MTHFD2L: variants seen among roughly 807,000 people sequenced by gnomAD.
The protein encoded by MTHFD2L is methylenetetrahydrofolate dehydrogenase (NADP+ dependent) 2 like.
In MTHFD2L, 29 loss-of-function variants were observed where a neutral mutation model predicts 34.9. The observed-to-expected ratio is 0.83, with a 90% CI of 0.62 to 1.13. MTHFD2L has a LOEUF of 1.13. Among genes scored for constraint, MTHFD2L ranks in the 50% most tolerant of loss-of-function variants. The probability of loss-of-function intolerance (pLI) is 0.00; values close to 1 mark genes in which losing one functional copy is unlikely to be tolerated. For missense variants in MTHFD2L, 481 were observed against 446.5 expected (o/e 1.08, Z -0.70); for synonymous variants, 167 against 155.7 (o/e 1.07, Z -0.54).
At chr4:74,297,965 T>A (rs1414438467) in intron 7 of MTHFD2L, among the ~76,000 whole-genome samples, 1 of 152,070 alleles carries the variant, frequency 6.6e-6, no homozygotes, top group Admixed American at 6.6e-5. Flanking sequence ...TGTATCCTGA[T>A]CCTTACGTAA....
At chr4:74,174,951 A>G (rs1230316185) in intron 2 of MTHFD2L, among the ~76,000 whole-genome samples, 1 of 152,158 alleles carries the variant, frequency 6.6e-6, no homozygotes, top group Non-Finnish European at 1.5e-5. Context: ...TGCTTTCATT[A>G]TATTTGCTTT....
intron 6 of MTHFD2L, among the ~76,000 whole-genome samples, chr4:74,264,390 T>C (rs1003221807): frequency 6.6e-6 from 1 of 152,012 alleles, no homozygotes; most frequent in Non-Finnish European, 1.5e-5. Flanking sequence ...TATGAATACC[T>C]ATGTACTCAA....
chr4:74,271,860 T>G (rs369566658), intron 6 of MTHFD2L, among the ~76,000 whole-genome samples: 54 of 151,782 alleles, frequency 3.6e-4, no homozygotes, highest in African/African-American at 1.3e-3. Context: ...CAGTGGTTTG[T>G]AGTTGTCCTT....
chr4:74,215,076 C>T (rs536541), intron 5 of MTHFD2L, among the ~76,000 whole-genome samples: 51,298 of 151,304 alleles, frequency 0.34, 10,702 homozygotes, highest in African/African-American at 0.57. Flanking sequence ...GCATCCCAGG[C>T]CGACTTCAGA....
chr4:74,262,079 AAC>A (rs1363436955), intron 6 of MTHFD2L, among the ~76,000 whole-genome samples: 4 of 152,124 alleles, frequency 2.6e-5, no homozygotes, highest in South Asian at 2.1e-4. Context: ...TGAAAAAACA[AAC>A]ACACATTCGT....
chr4:74,179,858 A>G (rs1251014240), intron 3 of MTHFD2L, among the ~76,000 whole-genome samples: 1 of 152,122 alleles, frequency 6.6e-6, no homozygotes, highest in Non-Finnish European at 1.5e-5. Flanking sequence ...AATAATACTT[A>G]TAATTCATTG....
chr4:74,283,620 GA>G (rs1432638431), intron 7 of MTHFD2L, among the ~76,000 whole-genome samples: 2 of 152,072 alleles, frequency 1.3e-5, no homozygotes, highest in Non-Finnish European at 2.9e-5. Context: ...GCATATCTTG[GA>G]CATCCAACAG....
upstream of MTHFD2L, among the ~76,000 whole-genome samples, chr4:74,119,610 C>T (rs1197700254): frequency 3.9e-5 from 6 of 151,976 alleles, no homozygotes; most frequent in African/African-American, 9.7e-5. Context: ...GGTGAAACCC[C>T]GTCTCTACTA....
At chr4:74,164,815 C>T (rs1726308691) in intron 1 of MTHFD2L, 1 of 174,096 alleles carries the variant, frequency 5.7e-6, no homozygotes, top group African/African-American at 2.4e-5. Context: ...TAGCCACCAC[C>T]TCCCTTCTTT....
intron 6 of MTHFD2L, among the ~76,000 whole-genome samples, chr4:74,256,874 G>C (rs565358994): frequency 1.8e-4 from 28 of 152,288 alleles, no homozygotes; most frequent in African/African-American, 6.7e-4. Flanking sequence ...GTAATGTAGA[G>C]TTTGAAATCA....
At chr4:74,259,851 G>C (rs779263023) in intron 6 of MTHFD2L, among the ~76,000 whole-genome samples, 3 of 152,144 alleles carry the variant, frequency 2.0e-5, no homozygotes, top group Non-Finnish European at 2.9e-5. Context: ...ATTAGACATT[G>C]GAGCCATTAA....
At chr4:74,134,712 C>G (rs1223992016) in intron 1 of MTHFD2L, among the ~76,000 whole-genome samples, 2 of 152,070 alleles carry the variant, frequency 1.3e-5, no homozygotes, top group African/African-American at 4.8e-5. Flanking sequence ...ACTTTGTTAT[C>G]TCTAAGATAA....
At chr4:74,240,089 TA>T (rs1162692152) in intron 6 of MTHFD2L, among the ~76,000 whole-genome samples, 1 of 152,222 alleles carries the variant, frequency 6.6e-6, no homozygotes, top group East Asian at 1.9e-4. Flanking sequence ...TTCTCTTGAA[TA>T]AAAAAACATT....
chr4:74,144,035 T>G (rs921862383), intron 1 of MTHFD2L, among the ~76,000 whole-genome samples: 1 of 152,214 alleles, frequency 6.6e-6, no homozygotes, highest in African/African-American at 2.4e-5. Context: ...CCATATGCCA[T>G]GAGTACATGG....
chr4:74,127,357 T>C (rs1055337766), intron 1 of MTHFD2L, among the ~76,000 whole-genome samples: 1 of 152,206 alleles, frequency 6.6e-6, no homozygotes, highest in African/African-American at 2.4e-5. Flanking sequence ...TTCTTTCAAT[T>C]AACTGTATAG....
At chr4:74,203,943 C>A (rs1734877691) in intron 5 of MTHFD2L, among the ~76,000 whole-genome samples, 1 of 151,070 alleles carries the variant, frequency 6.6e-6, no homozygotes, top group African/African-American at 2.4e-5. Context: ...TGTAACATAA[C>A]AAGCAACAGT....
intron 6 of MTHFD2L, among the ~76,000 whole-genome samples, chr4:74,265,027 C>T (rs549866311): frequency 4.6e-5 from 7 of 151,934 alleles, no homozygotes; most frequent in East Asian, 3.9e-4. Context: ...ATTTATAACC[C>T]GTATTTCAAG....
intron 7 of MTHFD2L, among the ~76,000 whole-genome samples, chr4:74,294,426 A>G (rs1287966140): frequency 6.6e-6 from 1 of 152,100 alleles, no homozygotes; most frequent in Non-Finnish European, 1.5e-5. Flanking sequence ...AAAGTTTCCA[A>G]ATGAAGCAAT....
intron 3 of MTHFD2L, among the ~76,000 whole-genome samples, chr4:74,176,198 G>A (rs1404793410): frequency 6.6e-6 from 1 of 151,944 alleles, no homozygotes; most frequent in Non-Finnish European, 1.5e-5. Flanking sequence ...CTCTGGCTGC[G>A]TAACTACGTC....
Sources: allele counts gnomAD v4.1 joint callset (sites outside exome capture counted in the v4.1 genomes callset), GRCh38; gene constraint gnomAD v4.1.1; transcripts MANE v1.5; gene names NCBI Gene and HGNC (gene_info 2026-07-23, HGNC 2026-07-21).